The following CSRP2 variants were observed in gnomAD, a reference collection of about 807,000 sequenced individuals.
CSRP2 encodes the protein cysteine and glycine-rich protein 2.
A neutral mutation model predicts 24.6 loss-of-function variants in CSRP2; 18 were observed. The observed-to-expected ratio is 0.73, with a 90% confidence interval of 0.51 to 1.09. CSRP2 has a LOEUF of 1.09. Among genes scored for constraint, CSRP2 ranks in the 50% least tolerant of loss-of-function variants. The pLI, the probability that CSRP2 is intolerant of heterozygous loss-of-function variation, is 0.00. For synonymous variants in CSRP2, 87 were observed against 84.3 expected, an observed-to-expected ratio of 1.03 and a Z score of -0.18; for missense variants, 215 against 239.4, an observed-to-expected ratio of 0.90 and a Z score of 0.67.
At chr12:76,870,657 T>C (rs1953787071) in intron 1 of CSRP2, among the ~76,000 whole-genome samples, 1 of 152,136 alleles carries the variant, frequency 6.6e-6, no homozygotes. Flanking sequence ...GGAAATGATG[T>C]AACAAAAGAA....
intron 1 of CSRP2, among the ~76,000 whole-genome samples, chr12:76,872,558 C>T (rs986304466): frequency 6.6e-6 from 1 of 152,222 alleles, no homozygotes; most frequent in Admixed American, 6.5e-5. Flanking sequence ...CATATCCCCA[C>T]GTGTGTGGAA....
chr12:76,859,441 T>C (rs1342736903), intron 5 of CSRP2, 106 bp downstream of exon 5: 18 of 737,690 alleles, frequency 2.4e-5, no homozygotes, highest in Middle Eastern at 2.4e-4. Context: ...TTTCAGAAAA[T>C]AGTGGCATAC....
chr12:76,874,147 A>T (rs1311507570), intron 1 of CSRP2, among the ~76,000 whole-genome samples: 6 of 152,240 alleles, frequency 3.9e-5, no homozygotes, highest in Admixed American at 6.5e-5. Context: ...CACAGGCATG[A>T]CAAAACAGTT....
Position 76,863,094 on chromosome 12 carries a change from G to A in CSRP2, c.281+82C>T, listed in dbSNP as rs1044351585. 2.4e-4 allele frequency: 355 copies of A among 1,508,112 alleles called. 2 individuals are homozygous for A. The highest frequency in any genetic ancestry group is 4.1e-5 in the Non-Finnish European group (46 of 1,126,476). The allele number at this position is 1,508,112 out of a possible 1,614,324, so 93.4% of individuals were successfully genotyped here. On this transcript the variant is annotated intron_variant, in intron 3 of 5. Coordinates refer to ENST00000311083, the MANE Select transcript of CSRP2 (RefSeq NM_001321.3). ...TTGCTTAGTTTCAACTAAAAATCTG[G>A]AGACTGCCAGGTTCCTGTTCAGCAA...
At chr12:76,860,217 A>G in intron 4 of CSRP2, 67 bp downstream of exon 4, 1 of 1,502,440 alleles carries the variant, frequency 6.7e-7, no homozygotes, top group African/African-American at 1.4e-5. Context: ...AGGAATGTGG[A>G]AGGGTTAGGG....
At chr12:76,862,527 T>G in intron 3 of CSRP2, 2 of 226,656 alleles carry the variant, frequency 8.8e-6, no homozygotes, top group Non-Finnish European at 1.7e-5. Context: ...GGTGACAGAG[T>G]GAGATTCTGT....
chr12:76,871,588 G>A (rs567762776), intron 1 of CSRP2, among the ~76,000 whole-genome samples: 2 of 152,222 alleles, frequency 1.3e-5, no homozygotes, highest in South Asian at 4.1e-4. Flanking sequence ...GGCTAACACG[G>A]TGAAACCCCG....
chr12:76,863,142 AT>A, intron 3 of CSRP2, 33 bp downstream of exon 3: 1 of 1,584,654 alleles, frequency 6.3e-7, no homozygotes, highest in Non-Finnish European at 8.6e-7. Context: ...GTCGCAACTC[AT>A]TTCTGAAGGT....
At chr12:76,876,009 CT>C (rs1953848519) in intron 1 of CSRP2, among the ~76,000 whole-genome samples, 1 of 152,302 alleles carries the variant, frequency 6.6e-6, no homozygotes, top group Admixed American at 6.5e-5. Flanking sequence ...AACTAAACCC[CT>C]GGTAGCAATA....
chr12:76,873,206 A>G (rs886149278), intron 1 of CSRP2, among the ~76,000 whole-genome samples: 7 of 152,128 alleles, frequency 4.6e-5, no homozygotes, highest in Non-Finnish European at 1.0e-4. Flanking sequence ...CTATAATCCA[A>G]TTTCCCCTAA....
At chr12:76,874,071 T>C (rs969203951) in intron 1 of CSRP2, among the ~76,000 whole-genome samples, 4 of 152,096 alleles carry the variant, frequency 2.6e-5, no homozygotes, top group African/African-American at 9.7e-5. Context: ...GGACAAACAA[T>C]AGCAATATAA....
In CSRP2 at chr12:76,860,335, G is replaced by A; in HGVS notation, c.360C>T (p.Ser120=). The stretch of plus-strand genomic sequence containing the variant: ...CAGCATATACAGAATCCCCACATCT[G>A]GAACACTTCTCAGCACCTCCATATT... ...AQKYGGAEKC[S]RCGDSVYAAE... is the part of the protein sequence containing the mutation. Residue 120 remains serine, a synonymous_variant, in exon 4 of 6, where the codon TCC becomes TCT. Coordinates refer to ENST00000311083, the MANE Select transcript of CSRP2 (RefSeq NM_001321.3). The A allele has an allele frequency of 6.2e-7, 1 of 1,614,072 alleles. No individual in the cohort carries two copies. The highest frequency in any genetic ancestry group is 8.5e-7 in the Non-Finnish European group (1 of 1,179,988).
rs35557984 is a variant in CSRP2, at chr12:76,860,427, GA to G, written c.282-15del. On this transcript the variant is annotated splice_polypyrimidine_tract_variant and intron_variant, in intron 3 of 5. Transcript: ENST00000311083. ...TGAGGCTGAACACTTGTGAAAAGAG[GA>G]AAAAAAAAGTAGGCAAGAGTTTCCA... is the stretch of plus-strand genomic sequence containing the variant. 0.59 allele frequency: 952,246 copies of G among 1,603,000 alleles called. 283,592 individuals carry two copies. The highest frequency in any genetic ancestry group is 0.7 in the East Asian group (31,384 of 44,654).
At chr12:76,863,443 G>T (rs891663157) in intron 2 of CSRP2, 99 bp from the exon 3 acceptor site, 4 of 1,235,046 alleles carry the variant, frequency 3.2e-6, no homozygotes, top group Non-Finnish European at 4.5e-6. Flanking sequence ...GGTGAAGGCT[G>T]AGGCTCCCTC....
In CSRP2 at chr12:76,858,969, G is replaced by A. The variant is rs765900031; in HGVS notation, c.565C>T (p.Leu189Phe). The stretch of plus-strand genomic sequence containing the variant: ...TTTACATCTTACTGGGCATGAACAA[G>A]AGCCCCTGCTCCTTGGCCATAGCCA... ...GFGYGQGAGALVHAQ is the reference protein window; with the variant it reads ...GFGYGQGAGAFVHAQ Residue 189 changes from leucine (L) to phenylalanine (F), a missense_variant, in exon 6 of 6, where the codon CTT (leucine) becomes TTT (phenylalanine). Coordinates refer to ENST00000311083, the MANE Select transcript of CSRP2 (RefSeq NM_001321.3). 3 of 1,614,142 alleles carry A rather than the reference G, an allele frequency of 1.9e-6. No individual in the cohort carries two copies. Among genetic ancestry groups the A allele is most frequent in the African/African-American group, 1.3e-5 (1 of 75,062 alleles).
chr12:76,865,371 A>C (rs1221397011), intron 2 of CSRP2, among the ~76,000 whole-genome samples: 1 of 152,222 alleles, frequency 6.6e-6, no homozygotes, highest in African/African-American at 2.4e-5. Flanking sequence ...ATTCCTATGT[A>C]GTATTTTTAT....
At chr12:76,876,529 A>G (rs1471637638) in intron 1 of CSRP2, among the ~76,000 whole-genome samples, 1 of 152,220 alleles carries the variant, frequency 6.6e-6, no homozygotes, top group Non-Finnish European at 1.5e-5. Context: ...GGAACTTGGT[A>G]CCACATACTT....
chr12:76,862,636 C>T (rs1953693811), intron 3 of CSRP2: 1 of 867,668 alleles, frequency 1.2e-6, no homozygotes. Flanking sequence ...AAATTTAGCA[C>T]CTTGATACGT....
rs1401662216 is a variant in CSRP2, at chr12:76,878,993, G to A, written c.-57C>T. The A allele has an allele frequency of 6.6e-6, 1 of 152,432 alleles. No homozygotes were observed. Among genetic ancestry groups the A allele is most frequent in the East Asian group, 1.9e-4 (1 of 5,152 alleles). 9.4% of individuals were successfully genotyped at this position (152,432 alleles called of 1,614,324 possible). On this transcript the variant is annotated 5_prime_UTR_variant, in exon 1 of 6. Coordinates refer to ENST00000311083, the MANE Select transcript of CSRP2 (RefSeq NM_001321.3). Reference sequence around the variant, plus strand: ...GCGGAGCTAGCGAGGCTGGGCTGGAGGGAGGGTCCAGGGAGTCCGAGATCC... The same window carrying A: ...GCGGAGCTAGCGAGGCTGGGCTGGAAGGAGGGTCCAGGGAGTCCGAGATCC...
Sources: allele counts gnomAD v4.1 joint callset (sites outside exome capture counted in the v4.1 genomes callset), GRCh38; gene constraint gnomAD v4.1.1; transcripts MANE v1.5; gene names NCBI Gene and HGNC (gene_info 2026-07-23, HGNC 2026-07-21).